Variants in ANKRD52 observed in about 807,000 individuals in gnomAD.
ANKRD52 encodes the protein serine/threonine-protein phosphatase 6 regulatory ankyrin repeat subunit C.
Under a neutral mutation model 116.0 loss-of-function variants are expected in ANKRD52, and 7 were observed. That is an observed-to-expected ratio of 0.06 (90% CI 0.03 to 0.11). The LOEUF is 0.11. ANKRD52 is among the 10% of genes least tolerant of loss of function. The pLI, the probability that ANKRD52 is intolerant of heterozygous loss-of-function variation, is 1.00. For synonymous variants in ANKRD52, 528 were observed against 578.1 expected, an observed-to-expected ratio of 0.91 and a Z score of 1.24; for missense variants, 839 against 1,408.6, an observed-to-expected ratio of 0.60 and a Z score of 6.47.
At position 56,238,750 on chromosome 12, in the gene ANKRD52, C is replaced by CA. The variant is rs1871035812; in HGVS notation, c.*4391dup. Reference sequence around the variant, plus strand: ...CAAGCCAGAACCCACCCCCACCCCCCAAACACACATACAAAGCTGAGCTAT... The same window carrying CA: ...CAAGCCAGAACCCACCCCCACCCCCCAAAACACACATACAAAGCTGAGCTAT... On this transcript the variant is annotated 3_prime_UTR_variant, in exon 28 of 28. Transcript: ENST00000267116. 1 of 152,610 alleles carries CA rather than the reference C, an allele frequency of 6.6e-6. No individual in the cohort carries two copies. The highest frequency in any genetic ancestry group is 2.4e-5 in the African/African-American group (1 of 41,444). The allele number at this position is 152,610 out of a possible 1,614,324, so 9.5% of individuals were successfully genotyped here.
At chr12:56,245,708 CTTTTTTTTTTTTT>C (rs918818332) in intron 20 of ANKRD52, 112 bp from the exon 21 acceptor site, 11 of 397,886 alleles carry the variant, frequency 2.8e-5, no homozygotes, top group South Asian at 1.5e-4. Context: ...CAATCCTTGT[CTTTTTTTTTTTTT>C]TTTTTTTTTT....
At position 56,252,077 on chromosome 12, in the gene ANKRD52, A is replaced by G. The variant is rs910027238; in HGVS notation, c.1530T>C (p.Pro510=). The G allele has an allele frequency of 6.2e-7, 1 of 1,613,754 alleles. No homozygotes were observed. Among genetic ancestry groups the G allele is most frequent in the African/African-American group, 1.3e-5 (1 of 74,884 alleles). Residue 510 remains proline, a synonymous_variant, in exon 15 of 28, where the codon CCT becomes CCC. Coordinates refer to ENST00000267116, the MANE Select transcript of ANKRD52 (RefSeq NM_173595.4). The surrounding 1 kb of genome is among the most constrained non-coding windows in gnomAD (Gnocchi z 4.7). ...CGTCCTCTTCGGCATCATGGCTGGAAGGTGTATGGGGTTCCGCTCTGGGGA... is the reference window on the plus strand; with the variant it reads ...CGTCCTCTTCGGCATCATGGCTGGAGGGTGTATGGGGTTCCGCTCTGGGGA... ...DTYRRAEPHT[P]SSHDAEEDEP...
intron 4 of ANKRD52, among the ~76,000 whole-genome samples, chr12:56,256,221 C>T (rs1313544834): frequency 1.3e-5 from 2 of 152,150 alleles, no homozygotes; most frequent in Non-Finnish European, 2.9e-5. Context: ...CTTCTTCAAG[C>T]CACCTGACTC....
In ANKRD52 at chr12:56,245,549, G is replaced by A. The variant is rs376687310; in HGVS notation, c.2232C>T (p.Asp744=). ...TAAAGTCTCGGCACAGCACAAATGCGTCGTGGTCCAGCAGGGCAGCCAGGC... is the reference window on the plus strand; with the variant it reads ...TAAAGTCTCGGCACAGCACAAATGCATCGTGGTCCAGCAGGGCAGCCAGGC... ...EDCLAALLDH[D]AFVLCRDFKG... Residue 744 remains aspartate (D), a synonymous_variant, in exon 21 of 28, where the codon GAC becomes GAT. Transcript: ENST00000267116. 16 of 1,609,672 alleles carry A rather than the reference G, an allele frequency of 9.9e-6. No individual in the cohort carries two copies. Among genetic ancestry groups the A allele is most frequent in the African/African-American group, 2.7e-5 (2 of 74,626 alleles).
rs1240505126 is a variant in ANKRD52, at chr12:56,245,583, C to A, written c.2198G>T (p.Cys733Phe). 6.2e-6 allele frequency: 10 copies of A among 1,605,946 alleles called. No individual in the cohort carries two copies. Among genetic ancestry groups the A allele is most frequent in the Non-Finnish European group, 7.6e-6 (9 of 1,177,898 alleles). Reference protein sequence around the residue: ...TALHRGAVTGCEDCLAALLDH... With the variant: ...TALHRGAVTGFEDCLAALLDH... The stretch of plus-strand genomic sequence containing the variant: ...CAGCAGGGCAGCCAGGCAGTCCTCA[C>A]AGCCAGTCACTGCCTGTGAGTAACA... The change falls in exon 21 of 28, where the codon TGT (cysteine) becomes TTT (phenylalanine). Residue 733 changes from cysteine (C) to phenylalanine (F), a missense_variant. By Grantham distance (205) the Cys-to-Phe change is radical. Transcript: ENST00000267116.
Position 56,254,033 on chromosome 12 carries a change from T to A in ANKRD52, c.906+34A>T. On this transcript the variant is annotated intron_variant, in intron 8 of 27. Coordinates refer to ENST00000267116, the MANE Select transcript of ANKRD52 (RefSeq NM_173595.4). This position sits in a 1 kb window ranked among gnomAD's most constrained non-coding sequence, Gnocchi z 4.6. ...CAGGACCCCTAGATCCAAGTTTCGC[T>A]CCCCACTGGTCTAAGCCTTATCCCT... 6.3e-7 allele frequency: 1 copy of A among 1,591,086 alleles called. No individual in the cohort carries two copies. Among genetic ancestry groups the A allele is most frequent in the Non-Finnish European group, 8.6e-7 (1 of 1,160,362 alleles).
In ANKRD52 at chr12:56,237,836, C is replaced by A; in HGVS notation, c.*5306G>T. On this transcript the variant is annotated 3_prime_UTR_variant, in exon 28 of 28. Transcript: ENST00000267116. ...AGCAATAGGATTTTAATAAACAGAA[C>A]CCATCCCAAAGCCATGACTACGACA... 7.6e-7 allele frequency: 1 copy of A among 1,320,220 alleles called. No homozygotes were observed. Among genetic ancestry groups the A allele is most frequent in the Non-Finnish European group, 1.0e-6 (1 of 992,226 alleles). 81.8% of individuals were successfully genotyped at this position (1,320,220 alleles called of 1,614,324 possible).
chr12:56,251,301 G>A (rs575956498), intron 15 of ANKRD52, among the ~76,000 whole-genome samples: 58 of 149,748 alleles, frequency 3.9e-4, no homozygotes, highest in Non-Finnish European at 5.6e-4. Context: ...CTGGAGTGCA[G>A]TGGCGTGATC....
chr12:56,248,535 T>A lies in ANKRD52; in HGVS notation c.1736A>T (p.Asp579Val), dbSNP rs374312516. 1.5e-5 allele frequency: 24 copies of A among 1,597,286 alleles called. No homozygotes were observed. Among genetic ancestry groups the A allele is most frequent in the African/African-American group, 2.7e-5 (2 of 74,586 alleles). ...GCTGACTGGAATGGTGCTCTCCACA[T>A]CCTCCAGGCAGTTAAAGGACATTTC... ...LLEMSFNCLE[D>V]VESTIPVSPL... The change falls in exon 17 of 28, where the codon GAT (aspartate) becomes GTT (valine). Residue 579 changes from aspartate (D) to valine (V), a missense_variant. Coordinates refer to ENST00000267116, the MANE Select transcript of ANKRD52 (RefSeq NM_173595.4). This position sits in a 1 kb window ranked among gnomAD's most constrained non-coding sequence, Gnocchi z 5.1.
Position 56,258,266 on chromosome 12 carries a change from C to T in ANKRD52, c.4G>A (p.Gly2Arg). MGILSITDQPPL... is the reference protein window; with the variant it reads MRILSITDQPPL... ...ACCTGGTCCGTGATGCTGAGGATCC[C>T]CATGGCTCGGCCCGGGCTCCGTCCG... The change falls in exon 1 of 28, where the codon GGG becomes AGG. Residue 2 changes from glycine to arginine, a missense_variant. By Grantham distance (125) the Gly-to-Arg change is moderately radical (BLOSUM62 -2). Transcript: ENST00000267116. 1 of 1,594,794 alleles carries T rather than the reference C, an allele frequency of 6.3e-7. No homozygotes were observed. The highest frequency in any genetic ancestry group is 1.7e-5 in the Admixed American group (1 of 58,100).
In ANKRD52 at chr12:56,242,633, AG is replaced by A. The variant is rs140847739; in HGVS notation, c.*508del. ...CCCCTCATCCTCTAGCTGCCCCTGA[AG>A]GGGGGAGGGGGACACCCCCAGAGTG... is the stretch of plus-strand genomic sequence containing the variant. On this transcript the variant is annotated 3_prime_UTR_variant, in exon 28 of 28. Transcript: ENST00000267116. The surrounding 1 kb of genome is among the most constrained non-coding windows in gnomAD (Gnocchi z 4.3). 2,096 of 168,110 alleles carry A rather than the reference AG, an allele frequency of 0.012. 47 individuals are homozygous for A. Among genetic ancestry groups the A allele is most frequent in the African/African-American group, 0.047 (1,986 of 42,064 alleles). 10.4% of individuals were successfully genotyped at this position (168,110 alleles called of 1,614,324 possible). A position where few individuals can be genotyped will look rare whatever the true frequency, so the allele number is the denominator to read the frequency against.
In ANKRD52 at chr12:56,248,569, G is replaced by A. The variant is rs779047834; in HGVS notation, c.1705-3C>T. The A allele has an allele frequency of 6.3e-7, 1 of 1,586,166 alleles. No homozygotes were observed. The highest frequency in any genetic ancestry group is 1.2e-5 in the South Asian group (1 of 86,592). ...CAGTTAAAGGACATTTCTAAGAGCT[G>A]CAAAGGACAGGAAAGTAGGTGCTGA... On this transcript the variant is annotated splice_polypyrimidine_tract_variant and splice_region_variant and intron_variant, in intron 16 of 27. Transcript: ENST00000267116. This position sits in a 1 kb window ranked among gnomAD's most constrained non-coding sequence, Gnocchi z 5.1.
rs995435655 is a variant in ANKRD52 at position 56,248,629 on chromosome 12, C to T, written c.1705-63G>A. 23 of 1,511,160 alleles carry T rather than the reference C, an allele frequency of 1.5e-5. No individual in the cohort carries two copies. The highest frequency in any genetic ancestry group is 1.7e-4 in the Middle Eastern group (1 of 5,900). The allele number at this position is 1,511,160 out of a possible 1,614,324, so 93.6% of individuals were successfully genotyped here. On this transcript the variant is annotated intron_variant, in intron 16 of 27. Coordinates refer to ENST00000267116, the MANE Select transcript of ANKRD52 (RefSeq NM_173595.4). The surrounding 1 kb of genome is among the most constrained non-coding windows in gnomAD (Gnocchi z 5.1). ...ACTCCCAAGATAGTACCCCAGTCCC[C>T]GACTCGCAGTAATCCCCACTAAGCC...
In ANKRD52 at chr12:56,253,191, G is replaced by A; in HGVS notation, c.1100+97C>T. On this transcript the variant is annotated intron_variant, in intron 10 of 27. Coordinates refer to ENST00000267116, the MANE Select transcript of ANKRD52 (RefSeq NM_173595.4). This position sits in a 1 kb window ranked among gnomAD's most constrained non-coding sequence, Gnocchi z 5.5. Reference sequence around the variant, plus strand: ...AGAGTCAGGGTAGGAGGTTCTCCAAGGTGCCCTTTGGCAAGCTTATCTGTG... The same window carrying A: ...AGAGTCAGGGTAGGAGGTTCTCCAAAGTGCCCTTTGGCAAGCTTATCTGTG... The A allele has an allele frequency of 6.8e-7, 1 of 1,463,222 alleles. No homozygotes were observed. Among genetic ancestry groups the A allele is most frequent in the Non-Finnish European group, 9.4e-7 (1 of 1,066,434 alleles). 90.6% of individuals were successfully genotyped at this position (1,463,222 alleles called of 1,614,324 possible).
At position 56,242,843 on chromosome 12, in the gene ANKRD52, A is replaced by C; in HGVS notation, c.*299T>G. ...GGGGAGCTGGCAGCAGAAAGAGGGA[A>C]CCAAGAGATGGAGTCAAAGAGTGGG... On this transcript the variant is annotated 3_prime_UTR_variant, in exon 28 of 28. Coordinates refer to ENST00000267116, the MANE Select transcript of ANKRD52 (RefSeq NM_173595.4). The surrounding 1 kb of genome is among the most constrained non-coding windows in gnomAD (Gnocchi z 4.3). 2.2e-5 allele frequency: 8 copies of C among 358,668 alleles called. No homozygotes were observed. Among genetic ancestry groups the C allele is most frequent in the Non-Finnish European group, 4.1e-5 (8 of 195,930 alleles). 22.2% of individuals were successfully genotyped at this position (358,668 alleles called of 1,614,324 possible). A position where few individuals can be genotyped will look rare whatever the true frequency, so the allele number is the denominator to read the frequency against.
In ANKRD52 at chr12:56,253,696, G is replaced by C. The variant is rs754264619; in HGVS notation, c.985+26C>G. 6.2e-7 allele frequency: 1 copy of C among 1,608,362 alleles called. No individual in the cohort carries two copies. The highest frequency in any genetic ancestry group is 1.7e-5 in the Admixed American group (1 of 59,864). ...AGTTCCTTGGGGGAGGAGGGGATGA[G>C]AGCACAAAGTCTCCCAGGTCCATAC... On this transcript the variant is annotated intron_variant, in intron 9 of 27. Coordinates refer to ENST00000267116, the MANE Select transcript of ANKRD52 (RefSeq NM_173595.4). This position sits in a 1 kb window ranked among gnomAD's most constrained non-coding sequence, Gnocchi z 5.5.
At position 56,248,425 on chromosome 12, in the gene ANKRD52, C is replaced by T; in HGVS notation, c.1776+70G>A. ...AGAAGGAAGGATAACTTCACAAGTGCTGGCACCTTTGTTAGGGCCTGGGAA... is the reference window on the plus strand; with the variant it reads ...AGAAGGAAGGATAACTTCACAAGTGTTGGCACCTTTGTTAGGGCCTGGGAA... On this transcript the variant is annotated intron_variant, in intron 17 of 27. Transcript: ENST00000267116. The surrounding 1 kb of genome is among the most constrained non-coding windows in gnomAD (Gnocchi z 5.1). 6.6e-7 allele frequency: 1 copy of T among 1,504,478 alleles called. No homozygotes were observed. Among genetic ancestry groups the T allele is most frequent in the Non-Finnish European group, 9.1e-7 (1 of 1,100,650 alleles). 93.2% of individuals were successfully genotyped at this position (1,504,478 alleles called of 1,614,324 possible). A position where few individuals can be genotyped will look rare whatever the true frequency, so the allele number is the denominator to read the frequency against.
rs1871844504 is a variant in ANKRD52, at chr12:56,254,367, C to T, written c.694-88G>A. 8 of 1,488,432 alleles carry T rather than the reference C, an allele frequency of 5.4e-6. No individual in the cohort carries two copies. The highest frequency in any genetic ancestry group is 1.2e-5 in the South Asian group (1 of 84,188). The allele number at this position is 1,488,432 out of a possible 1,614,324, so 92.2% of individuals were successfully genotyped here. On this transcript the variant is annotated intron_variant, in intron 7 of 27. Transcript: ENST00000267116. The surrounding 1 kb of genome is among the most constrained non-coding windows in gnomAD (Gnocchi z 4.6). ...TAGCCTCCAGATCCCAGAAATCCAA[C>T]GACTGCCTCATTTCCTCTCGGGTTT...
At chr12:56,247,832 C>A in intron 18 of ANKRD52, 58 bp from the exon 19 acceptor site, 2 of 1,549,738 alleles carry the variant, frequency 1.3e-6, no homozygotes, top group South Asian at 1.2e-5. Flanking sequence ...GAGGCAAGGT[C>A]AAGCCTAAAG....
Sources: allele counts gnomAD v4.1 joint callset (sites outside exome capture counted in the v4.1 genomes callset), GRCh38; gene constraint gnomAD v4.1.1; non-coding constraint Gnocchi (gnomAD v3.1); transcripts MANE v1.5; gene names NCBI Gene and HGNC (gene_info 2026-07-23, HGNC 2026-07-21).